Variants in SOX6 observed in about 807,000 individuals in gnomAD.
SOX6 encodes transcription factor SOX-6.
In SOX6, 11 loss-of-function variants were observed where a neutral mutation model predicts 97.8. The ratio of observed to expected loss-of-function variants is 0.11; its 90% CI spans 0.07 to 0.19. The LOEUF (loss-of-function observed/expected upper bound fraction) is 0.19. Among genes scored for constraint, SOX6 ranks in the 10% least tolerant of loss-of-function variants. The pLI, the probability that SOX6 is intolerant of heterozygous loss-of-function variation, is 1.00. For synonymous variants in SOX6, 360 were observed against 371.4 expected, an observed-to-expected ratio of 0.97 and a Z score of 0.35; for missense variants, 810 against 1,039.5, an observed-to-expected ratio of 0.78 and a Z score of 3.04.
At chr11:16,454,532 C>A (rs1453037264) in intron 1 of SOX6, among the ~76,000 whole-genome samples, 1 of 151,918 alleles carries the variant, frequency 6.6e-6, no homozygotes, top group Non-Finnish European at 1.5e-5. Context: ...GTCAAAATAT[C>A]TGCTAGGGTT....
At chr11:16,601,738 T>C (rs755941068) in intron 4 of SOX6, among the ~76,000 whole-genome samples, 13 of 152,102 alleles carry the variant, frequency 8.5e-5, no homozygotes, top group Non-Finnish European at 1.5e-4. Context: ...AAGATAGACA[T>C]GTGTAGCAAT....
intron 2 of SOX6, among the ~76,000 whole-genome samples, chr11:16,323,680 C>T (rs1174170709): frequency 6.6e-6 from 1 of 152,044 alleles, no homozygotes; most frequent in Non-Finnish European, 1.5e-5. Context: ...CATCAAAGCA[C>T]TTAATCATAA....
chr11:16,289,780 C>A (rs1326655335), intron 3 of SOX6, among the ~76,000 whole-genome samples: 1 of 151,818 alleles, frequency 6.6e-6, no homozygotes, highest in Non-Finnish European at 1.5e-5. Flanking sequence ...TTGATTGGCC[C>A]AGAGTAAAAT....
intron 9 of SOX6, among the ~76,000 whole-genome samples, chr11:16,082,797 G>T (rs1260748288): frequency 2.0e-5 from 3 of 152,138 alleles, no homozygotes; most frequent in African/African-American, 7.2e-5. Context: ...TTTATGGTGT[G>T]AATAAAATCA....
intron 2 of SOX6, among the ~76,000 whole-genome samples, chr11:16,730,694 G>C (rs1848342981): frequency 6.6e-6 from 1 of 151,914 alleles, no homozygotes; most frequent in Non-Finnish European, 1.5e-5. Flanking sequence ...AACTAGAGAA[G>C]CAAAAGCAAG....
chr11:16,221,091 C>T (rs1210657060), intron 4 of SOX6, among the ~76,000 whole-genome samples: 3 of 151,972 alleles, frequency 2.0e-5, no homozygotes. Context: ...GTTCTTAGAT[C>T]CCTGGGAATC....
At chr11:16,478,505 T>A (rs2133122554), upstream of SOX6, among the ~76,000 whole-genome samples, 1 of 152,334 alleles carries the variant, frequency 6.6e-6, no homozygotes, top group African/African-American at 2.4e-5. Context: ...AGTCAATAAA[T>A]CTTATTCATC....
intron 9 of SOX6, among the ~76,000 whole-genome samples, chr11:16,082,256 G>C (rs1848488982): frequency 6.6e-6 from 1 of 152,136 alleles, no homozygotes; most frequent in Non-Finnish European, 1.5e-5. Context: ...TCTCTTGTCT[G>C]CTAATAAAGT....
intron 13 of SOX6, among the ~76,000 whole-genome samples, chr11:15,994,475 A>G (rs1854163635): frequency 6.6e-6 from 1 of 151,998 alleles, no homozygotes; most frequent in African/African-American, 2.4e-5. Context: ...ATGAAATTAG[A>G]AAAGTAAATA....
intron 1 of SOX6, among the ~76,000 whole-genome samples, chr11:16,409,317 G>A (rs1858749150): frequency 6.7e-6 from 1 of 149,580 alleles, no homozygotes; most frequent in South Asian, 2.1e-4. Context: ...GCAGAGGATT[G>A]GGGGAAAACA....
chr11:16,246,640 C>T lies in SOX6; in HGVS notation c.446-11969G>A, dbSNP rs1590060777. On this transcript the variant is annotated intron_variant, in intron 3 of 15. Transcript: ENST00000683767. The stretch of plus-strand genomic sequence containing the variant: ...ACTGTATATAACATATCTTTGGCTA[C>T]TTCTAAGACTCTCTTTCATTTGTTT... Among the ~76,000 whole-genome samples, 3 of 152,092 alleles carry T rather than the reference C, an allele frequency of 2.0e-5. No individual in the cohort carries two copies. In the East Asian group the frequency reaches 5.8e-4, roughly 29 times the overall value.
chr11:16,034,298 G>A (rs1278397920), intron 12 of SOX6, among the ~76,000 whole-genome samples: 2 of 152,282 alleles, frequency 1.3e-5, no homozygotes, highest in Non-Finnish European at 2.9e-5. Context: ...GACACCCTTT[G>A]TGTTATTTCA....
Position 16,520,792 on chromosome 11 carries a change from A to G in SOX6, n.610-44404T>C, listed in dbSNP as rs12787248. 7.4e-3 allele frequency among the ~76,000 whole-genome samples: 1,128 copies of G among 152,336 alleles called. 1 individual carries two copies. The highest frequency in any genetic ancestry group is 0.013 in the Non-Finnish European group (872 of 68,034). On this transcript the variant is annotated intron_variant and non_coding_transcript_variant, in intron 4 of 5. Transcript: ENST00000524520. ...TCCCACCCTAATACTGTGCTTTTCC[A>G]ATGGGCTTAAAAAACGGCACACCAG...
chr11:16,234,182 C>A (rs1016733769), intron 4 of SOX6, among the ~76,000 whole-genome samples: 2 of 151,978 alleles, frequency 1.3e-5, no homozygotes, highest in Non-Finnish European at 2.9e-5. Flanking sequence ...TTTAAAGGTG[C>A]TACAGGCAAC....
chr11:16,031,380 T>A (rs779987085), intron 12 of SOX6: 17 of 152,200 alleles, frequency 1.1e-4, no homozygotes, highest in Non-Finnish European at 1.2e-4. Flanking sequence ...ATAAATGACA[T>A]CAGCATTTGA....
intron 6 of SOX6, among the ~76,000 whole-genome samples, chr11:16,142,667 G>A (rs1164082355): frequency 2.6e-5 from 4 of 152,048 alleles, no homozygotes; most frequent in Admixed American, 2.6e-4. Context: ...ATGACCTGAG[G>A]GAGCTGAAAC....
Position 16,726,281 on chromosome 11 carries a change from C to T in SOX6, n.353+10058G>A, listed in dbSNP as rs189156026. 1.3e-3 allele frequency among the ~76,000 whole-genome samples: 194 copies of T among 152,292 alleles called. 1 individual carries two copies. The highest frequency in any genetic ancestry group is 4.3e-3 in the African/African-American group (180 of 41,558). ...AAGATCAGCTGGGTGTGGTGGTGCA[C>T]GCCTGTAATCCCAGCTACCCAGCTA... On this transcript the variant is annotated intron_variant and non_coding_transcript_variant, in intron 2 of 5. Transcript: ENST00000524520.
intron 6 of SOX6, among the ~76,000 whole-genome samples, chr11:16,150,264 C>A (rs978969126): frequency 6.6e-6 from 1 of 152,194 alleles, no homozygotes; most frequent in East Asian, 1.9e-4. Context: ...TTATAAGTAA[C>A]CACTATTCAG....
chr11:16,258,796 T>C (rs999366677), intron 3 of SOX6, among the ~76,000 whole-genome samples: 2 of 151,226 alleles, frequency 1.3e-5, no homozygotes, highest in Non-Finnish European at 3.0e-5. Context: ...AATAGGGGAG[T>C]CTGAGAGGGA....
Sources: gnomAD v4.1 joint callset for allele counts (sites outside exome capture counted in the v4.1 genomes callset) on GRCh38, gnomAD v4.1.1 for gene constraint, MANE v1.5 for transcripts, NCBI Gene and HGNC (gene_info 2026-07-23, HGNC 2026-07-21) for gene names.